Variants in CLIP4 observed in about 807,000 individuals in gnomAD.
CLIP4 encodes CAP-Gly domain-containing linker protein 4.
Under a neutral mutation model 73.1 loss-of-function variants are expected in CLIP4, and 47 were observed. The ratio of observed to expected loss-of-function variants is 0.64; its 90% CI spans 0.51 to 0.82. The LOEUF is 0.82. Among genes scored for constraint, CLIP4 ranks in the 40% least tolerant of loss-of-function variants. The pLI, the probability that CLIP4 is intolerant of heterozygous loss-of-function variation, is 0.00. For synonymous variants in CLIP4, 306 were observed against 295.4 expected, an observed-to-expected ratio of 1.04 and a Z score of -0.37; for missense variants, 874 against 852.9, an observed-to-expected ratio of 1.02 and a Z score of -0.31.
intron 1 of CLIP4, among the ~76,000 whole-genome samples, chr2:29,099,416 G>A (rs1479404525): frequency 7.2e-5 from 11 of 152,128 alleles, no homozygotes; most frequent in African/African-American, 2.2e-4. Flanking sequence ...TCATTTATTC[G>A]TATGTGGTTG....
At chr2:29,146,827 A>T (rs1666204812) in intron 8 of CLIP4, among the ~76,000 whole-genome samples, 1 of 152,208 alleles carries the variant, frequency 6.6e-6, no homozygotes, top group African/African-American at 2.4e-5. Context: ...CTAGTGCAAG[A>T]ATTAAATGTG....
intron 13 of CLIP4, 104 bp downstream of exon 13, chr2:29,164,058 A>C (rs1667454362): frequency 5.0e-6 from 5 of 995,332 alleles, no homozygotes; most frequent in Non-Finnish European, 7.3e-6. Flanking sequence ...ATTGTAGCTC[A>C]TGTCTTCTTT....
intron 1 of CLIP4, among the ~76,000 whole-genome samples, chr2:29,099,870 T>G (rs1667989479): frequency 1.3e-5 from 2 of 152,218 alleles, no homozygotes; most frequent in Admixed American, 6.5e-5. Flanking sequence ...TATCAGAATT[T>G]TATCATTTTC....
At chr2:29,175,203 C>G (rs1558586487) in intron 15 of CLIP4, among the ~76,000 whole-genome samples, 1 of 152,182 alleles carries the variant, frequency 6.6e-6, no homozygotes, top group Non-Finnish European at 1.5e-5. Flanking sequence ...TGTTTACCTT[C>G]TGGCATGAAG....
At chr2:29,130,552 C>T (rs1384463113) in intron 2 of CLIP4, 1 of 947,978 alleles carries the variant, frequency 1.1e-6, no homozygotes, top group Non-Finnish European at 1.3e-6. Flanking sequence ...ACAGGTTTTC[C>T]TGAGCTGGGG....
chr2:29,176,804 TG>T lies in CLIP4; in HGVS notation c.1796+2362del, dbSNP rs554945327. Among the ~76,000 whole-genome samples, 47 of 152,346 alleles carry T rather than the reference TG, an allele frequency of 3.1e-4. No homozygotes were observed. In the South Asian group the frequency reaches 9.3e-3, roughly 30 times the overall value. ...CCAGGGCCTGCTCAGAAATCCTCACTGGGTCCTGTCTGTAGAATCTGGCTCA... is the reference window on the plus strand; with the variant it reads ...CCAGGGCCTGCTCAGAAATCCTCACTGGTCCTGTCTGTAGAATCTGGCTCA... On this transcript the variant is annotated intron_variant, in intron 15 of 15. Coordinates refer to ENST00000320081, the MANE Select transcript of CLIP4 (RefSeq NM_024692.6).
chr2:29,102,863 C>T (rs141321921), intron 1 of CLIP4, among the ~76,000 whole-genome samples: 5,523 of 152,230 alleles, frequency 0.036, 290 homozygotes, highest in African/African-American at 0.11. Context: ...AGTGATCTGC[C>T]CACCTCGGCC....
intron 6 of CLIP4, among the ~76,000 whole-genome samples, chr2:29,142,697 C>G (rs1487376110): frequency 2.0e-5 from 3 of 152,240 alleles, no homozygotes; most frequent in East Asian, 1.9e-4. Context: ...TTCTAAAAGC[C>G]TCGTTCATTT....
chr2:29,130,454 T>A (rs550839832), intron 2 of CLIP4, among the ~76,000 whole-genome samples: 1 of 152,320 alleles, frequency 6.6e-6, no homozygotes, highest in South Asian at 2.1e-4. Flanking sequence ...ATTACTGATT[T>A]GCTGCAATGT....
At chr2:29,129,378 ATACT>A (rs1354380357) in intron 2 of CLIP4, among the ~76,000 whole-genome samples, 1 of 152,136 alleles carries the variant, frequency 6.6e-6, no homozygotes, top group Non-Finnish European at 1.5e-5. Flanking sequence ...GTTTTCAGGA[ATACT>A]TAATTTATAT....
intron 13 of CLIP4, among the ~76,000 whole-genome samples, chr2:29,164,590 G>A (rs1667486234): frequency 6.6e-6 from 1 of 152,114 alleles, no homozygotes; most frequent in South Asian, 2.1e-4. Flanking sequence ...TTATGCTCTG[G>A]AAGAAGCTGC....
Position 29,143,833 on chromosome 2 carries a change from C to T in CLIP4, c.773C>T (p.Ser258Leu), listed in dbSNP as rs369326999. 1.1e-5 allele frequency: 18 copies of T among 1,614,004 alleles called. No individual in the cohort carries two copies. In the African/African-American group the frequency reaches 1.9e-4, roughly 17 times the overall value. Reference sequence around the variant, plus strand: ...ATGCTTCTAGATGCGGTGCCTCTGTCATGTAACATCTCAAAGGCCATGCTC... The same window carrying T: ...ATGCTTCTAGATGCGGTGCCTCTGTTATGTAACATCTCAAAGGCCATGCTC... Reference protein sequence around the residue: ...KQMLLDAVPLSCNISKAMLPN... With the variant: ...KQMLLDAVPLLCNISKAMLPN... The change falls in exon 7 of 16, where the codon TCA (serine) becomes TTA (leucine). Residue 258 changes from serine to leucine, a missense_variant. Coordinates refer to ENST00000320081, the MANE Select transcript of CLIP4 (RefSeq NM_024692.6).
intron 14 of CLIP4, among the ~76,000 whole-genome samples, chr2:29,172,708 G>A (rs997746572): frequency 6.6e-6 from 1 of 151,638 alleles, no homozygotes; most frequent in African/African-American, 2.4e-5. Context: ...GTAGTATGTT[G>A]GACCTTCTCA....
chr2:29,143,806 AGAT>A lies in CLIP4; in HGVS notation c.748_750del (p.Met250del). On this transcript the variant is annotated inframe_deletion, in exon 7 of 16. Transcript: ENST00000320081. ...GCAGCCACTGCTAAGGAAATCAAGC[AGAT>A]GCTTCTAGATGCGGTGCCTCTGTCA... 6.2e-7 allele frequency: 1 copy of A among 1,614,168 alleles called. No homozygotes were observed. Among genetic ancestry groups the A allele is most frequent in the Non-Finnish European group, 8.5e-7 (1 of 1,179,990 alleles).
At chr2:29,107,419 T>C (rs1668257709) in intron 1 of CLIP4, among the ~76,000 whole-genome samples, 3 of 132,496 alleles carry the variant, frequency 2.3e-5, no homozygotes, top group Admixed American at 8.8e-5. Flanking sequence ...TCGCCCAGGC[T>C]GGAGTGCAGT....
chr2:29,148,604 T>C (rs1666334099), intron 8 of CLIP4, among the ~76,000 whole-genome samples: 1 of 152,228 alleles, frequency 6.6e-6, no homozygotes, highest in Non-Finnish European at 1.5e-5. Context: ...TCCTTAGAAC[T>C]AGGCAAGAAC....
chr2:29,099,774 C>G (rs1015245329), intron 1 of CLIP4, among the ~76,000 whole-genome samples: 10 of 152,202 alleles, frequency 6.6e-5, no homozygotes, highest in African/African-American at 2.2e-4. Flanking sequence ...ATCTACAGAT[C>G]ACGCTGGGAA....
At chr2:29,116,537 C>A (rs1451282146) in intron 1 of CLIP4, among the ~76,000 whole-genome samples, 1 of 152,194 alleles carries the variant, frequency 6.6e-6, no homozygotes, top group Non-Finnish European at 1.5e-5. Context: ...GTTTGTGAAT[C>A]TTGTGCACAA....
At chr2:29,133,524 C>G in intron 4 of CLIP4, 131 bp from the exon 5 acceptor site, 1 of 693,442 alleles carries the variant, frequency 1.4e-6, no homozygotes, top group East Asian at 2.9e-5. Context: ...TCAATTCTTG[C>G]AAGTGAAATT....
Sources: allele counts gnomAD v4.1 joint callset (sites outside exome capture counted in the v4.1 genomes callset), GRCh38; gene constraint gnomAD v4.1.1; transcripts MANE v1.5; gene names NCBI Gene and HGNC (gene_info 2026-07-23, HGNC 2026-07-21).